The following RACGAP1 variants were observed in gnomAD, a reference collection of about 807,000 sequenced individuals.
RACGAP1 encodes the protein rac GTPase-activating protein 1.
A neutral mutation model predicts 78.1 loss-of-function variants in RACGAP1; 30 were observed. The observed-to-expected ratio is 0.38, with a 90% confidence interval of 0.29 to 0.52. The LOEUF (loss-of-function observed/expected upper bound fraction) is 0.52, where lower values mean the gene tolerates loss of function less well. RACGAP1 is among the 20% of genes least tolerant of loss of function. The pLI, the probability that RACGAP1 is intolerant of heterozygous loss-of-function variation, is 0.82. For synonymous variants in RACGAP1, 231 were observed against 264.8 expected (o/e 0.87, Z 1.24); for missense variants, 587 against 777.1 (o/e 0.76, Z 2.91).
rs1948492767 is a variant in RACGAP1, at chr12:49,999,155, A to G, written c.865T>C (p.Phe289Leu). The change falls in exon 9 of 17, where the codon TTT (phenylalanine) becomes CTT (leucine). Residue 289 changes from phenylalanine to leucine, a missense_variant. Physicochemically the swap from Phe to Leu is conservative, Grantham distance 22. Coordinates refer to ENST00000312377, the MANE Select transcript of RACGAP1 (RefSeq NM_001319999.2). ...CACAGATTTACCGTCTTAGAAACAA[A>G]GTCATGCAGGCGCATCCCTCCATTA... ...QSNGGMRLHD[F>L]VSKTVIKPES... 1 of 1,591,162 alleles carries G rather than the reference A, an allele frequency of 6.3e-7. No individual in the cohort carries two copies. Among genetic ancestry groups the G allele is most frequent in the South Asian group, 1.2e-5 (1 of 85,892 alleles).
At chr12:49,991,480 T>TATATATATATATATATATA (rs1555169073) in intron 15 of RACGAP1, among the ~76,000 whole-genome samples, 96 of 13,176 alleles carry the variant, frequency 7.3e-3, no homozygotes, top group Non-Finnish European at 0.011. Flanking sequence ...TATATATATA[T>TATATATATATATATATATA]TTTTTTTTTT....
chr12:50,007,003 C>T (rs1008897278), intron 2 of RACGAP1, among the ~76,000 whole-genome samples: 1 of 152,190 alleles, frequency 6.6e-6, no homozygotes, highest in Non-Finnish European at 1.5e-5. Context: ...AGGACAGTTA[C>T]AGCTATAAAA....
chr12:49,991,476 T>TAC (rs1947853169), intron 15 of RACGAP1, among the ~76,000 whole-genome samples: 1 of 38,696 alleles, frequency 2.6e-5, no homozygotes, highest in African/African-American at 7.4e-5. Context: ...TATATATATA[T>TAC]ATATTTTTTT....
rs1950233471 is a variant in RACGAP1, at chr12:50,025,389, AC to A, written c.-5+8del. On this transcript the variant is annotated splice_region_variant and intron_variant, in intron 1 of 16. Transcript: ENST00000312377. ...CAGACGCACCTGGTCTGGCACCCCCACTACTCACTTCAGTCAGCCTGGCCCC... is the reference window on the plus strand; with the variant it reads ...CAGACGCACCTGGTCTGGCACCCCCATACTCACTTCAGTCAGCCTGGCCCC... 1.0e-6 allele frequency: 1 copy of A among 985,644 alleles called. No homozygotes were observed. Among genetic ancestry groups the A allele is most frequent in the East Asian group, 1.1e-4 (1 of 8,818 alleles). The allele number at this position is 985,644 out of a possible 1,614,324, so 61.1% of individuals were successfully genotyped here.
intron 15 of RACGAP1, among the ~76,000 whole-genome samples, chr12:49,991,477 ATATTTT>A (rs1947855610): frequency 5.4e-5 from 2 of 36,982 alleles, no homozygotes; most frequent in African/African-American, 1.7e-4. Flanking sequence ...ATATATATAT[ATATTTT>A]TTTTTTTTTT....
At chr12:50,010,792 C>G (rs766351334) in intron 2 of RACGAP1, among the ~76,000 whole-genome samples, 1 of 151,498 alleles carries the variant, frequency 6.6e-6, no homozygotes, top group Admixed American at 6.6e-5. Flanking sequence ...ATTAGCCAGG[C>G]GTGTTGGCAC....
chr12:50,018,393 A>G, intron 1 of RACGAP1: 1 of 537,486 alleles, frequency 1.9e-6, no homozygotes, highest in Admixed American at 3.2e-5. Context: ...CAACAAATTT[A>G]TTACAAAGAT....
intron 4 of RACGAP1, 24 bp downstream of exon 4, chr12:50,005,232 T>C (rs777070719): frequency 8.7e-6 from 14 of 1,613,524 alleles, no homozygotes; most frequent in Non-Finnish European, 1.2e-5. Context: ...TGTGATAGGA[T>C]AACAACAGAT....
intron 2 of RACGAP1, among the ~76,000 whole-genome samples, chr12:50,013,455 C>T (rs1427186794): frequency 6.6e-6 from 1 of 152,194 alleles, no homozygotes; most frequent in Non-Finnish European, 1.5e-5. Flanking sequence ...TTCTACAGGT[C>T]TTATTATCAC....
At chr12:49,991,510 A>ACAGAGTCTCACTCTGTCAC (rs1350267267) in intron 15 of RACGAP1, among the ~76,000 whole-genome samples, 1 of 41,138 alleles carries the variant, frequency 2.4e-5, no homozygotes, top group African/African-American at 8.6e-5. Context: ...TTTTTTTTAG[A>ACAGAGTCTCACTCTGTCAC]CAGAGTCTCA....
At chr12:50,019,366 T>C (rs372049834) in intron 1 of RACGAP1, among the ~76,000 whole-genome samples, 3 of 152,254 alleles carry the variant, frequency 2.0e-5, no homozygotes, top group East Asian at 3.9e-4. Flanking sequence ...AAACCTTACA[T>C]GCGGCACTAC....
intron 2 of RACGAP1, among the ~76,000 whole-genome samples, chr12:50,015,925 A>T (rs1489894115): frequency 6.6e-6 from 1 of 151,764 alleles, no homozygotes; most frequent in East Asian, 1.9e-4. Context: ...GAAATTATGA[A>T]TTTTTCCCAC....
rs1565651435 is a variant in RACGAP1, at chr12:49,990,102, G to A, written c.*166C>T. The A allele has an allele frequency of 1.9e-6, 1 of 515,012 alleles. No individual in the cohort carries two copies. The highest frequency in any genetic ancestry group is 3.4e-6 in the Non-Finnish European group (1 of 290,650). 31.9% of individuals were successfully genotyped at this position (515,012 alleles called of 1,614,324 possible). A position where few individuals can be genotyped will look rare whatever the true frequency, so the allele number is the denominator to read the frequency against. On this transcript the variant is annotated 3_prime_UTR_variant, in exon 17 of 17. Coordinates refer to ENST00000312377, the MANE Select transcript of RACGAP1 (RefSeq NM_001319999.2). ...TATTATGTGACTTGAGGAGAAGGAA[G>A]GGGAGATATATATAGTTTTAATAAA...
intron 1 of RACGAP1, chr12:50,018,739 T>C: frequency 3.4e-6 from 1 of 298,198 alleles, no homozygotes. Context: ...AAAAGGAAAA[T>C]TTCATGGTGC....
In RACGAP1 at chr12:49,992,590, T is replaced by G. The variant is rs1947968595; in HGVS notation, c.1405A>C (p.Asn469His). Reference sequence around the variant, plus strand: ...ATGAGGAAAGCTAATGTGTCCCTGTTGGCCTGGGGCAGTTCACCAACAGCT... The same window carrying G: ...ATGAGGAAAGCTAATGTGTCCCTGTGGGCCTGGGGCAGTTCACCAACAGCT... ...YQAVGELPQA[N>H]RDTLAFLMIH... Residue 469 changes from asparagine to histidine, a missense_variant, in exon 13 of 17, where the codon AAC becomes CAC. Transcript: ENST00000312377. 1 of 1,614,206 alleles carries G rather than the reference T, an allele frequency of 6.2e-7. No homozygotes were observed. The highest frequency in any genetic ancestry group is 8.5e-7 in the Non-Finnish European group (1 of 1,180,030).
At chr12:50,008,285 G>A (rs1264422300) in intron 2 of RACGAP1, among the ~76,000 whole-genome samples, 3 of 146,522 alleles carry the variant, frequency 2.0e-5, no homozygotes, top group Non-Finnish European at 3.0e-5. Context: ...TGCAATCTCC[G>A]CCTCCCAGGT....
At chr12:50,005,214 G>A (rs1188813775) in intron 4 of RACGAP1, 42 bp downstream of exon 4, 1 of 1,609,668 alleles carries the variant, frequency 6.2e-7, no homozygotes, top group Admixed American at 1.7e-5. Flanking sequence ...CTGACAGCCT[G>A]TGTTGCTTGT....
chr12:50,026,232 G>A (rs1464695083), upstream of RACGAP1, among the ~76,000 whole-genome samples: 2 of 151,872 alleles, frequency 1.3e-5, no homozygotes, highest in Non-Finnish European at 2.9e-5. Flanking sequence ...AAAGTACCCA[G>A]AACTCACTAC....
At chr12:49,993,746 T>TAAAA (rs34663027) in intron 12 of RACGAP1, among the ~76,000 whole-genome samples, 3 of 130,620 alleles carry the variant, frequency 2.3e-5, no homozygotes, top group Admixed American at 1.5e-4. Context: ...GACTCCGTCT[T>TAAAA]AAAAAAAAAA....
Sources: gnomAD v4.1 joint callset for allele counts (sites outside exome capture counted in the v4.1 genomes callset) on GRCh38, gnomAD v4.1.1 for gene constraint, MANE v1.5 for transcripts, NCBI Gene and HGNC (gene_info 2026-07-23, HGNC 2026-07-21) for gene names.